Variants in WDR20 observed in about 807,000 individuals in gnomAD.
WDR20 encodes WD repeat domain 20, also known as WD repeat-containing protein 20.
A neutral mutation model predicts 38.7 loss-of-function variants in WDR20; 3 were observed. The observed-to-expected ratio is 0.08, with a 90% CI of 0.04 to 0.20. The LOEUF (loss-of-function observed/expected upper bound fraction) is 0.20. WDR20 is among the 10% of genes least tolerant of loss of function. The probability of loss-of-function intolerance (pLI) is 1.00; values close to 1 mark genes in which losing one functional copy is unlikely to be tolerated. For missense variants in WDR20, 559 were observed against 727.7 expected, an observed-to-expected ratio of 0.77 and a Z score of 2.67; for synonymous variants, 298 against 285.6, an observed-to-expected ratio of 1.04 and a Z score of -0.44.
At position 102,208,614 on chromosome 14, in the gene WDR20, C is replaced by G. The variant is rs774290803; in HGVS notation, c.444C>G (p.Asp148Glu). Reference sequence around the variant, plus strand: ...CTTTGTCTTCACAGAGACTAATAGACAAGTCACGAGTTACCTGTGTCAAAT... The same window carrying G: ...CTTTGTCTTCACAGAGACTAATAGAGAAGTCACGAGTTACCTGTGTCAAAT... ...SKLFNEERLIDKSRVTCVKWV... is the reference protein window; with the variant it reads ...SKLFNEERLIEKSRVTCVKWV... The change falls in exon 3 of 3, where the codon GAC becomes GAG. Residue 148 changes from aspartate to glutamate, a missense_variant. Transcript: ENST00000342702. This position sits in a 1 kb window ranked among gnomAD's most constrained non-coding sequence, Gnocchi z 5.6. 1.9e-6 allele frequency: 3 copies of G among 1,606,250 alleles called. No homozygotes were observed. Among genetic ancestry groups the G allele is most frequent in the Non-Finnish European group, 2.6e-6 (3 of 1,173,884 alleles).
chr14:102,223,383 T>TA (rs917339942), exon 4 of WDR20: 5 of 152,678 alleles, frequency 3.3e-5, no homozygotes, highest in African/African-American at 1.2e-4. Context: ...TCACAGATTT[T>TA]AAAAAATTGT....
In WDR20 at chr14:102,156,268, C is replaced by T. The variant is rs375333025; in HGVS notation, c.249+16096C>T. On this transcript the variant is annotated intron_variant, in intron 1 of 2. Coordinates refer to ENST00000342702, the MANE Select transcript of WDR20 (RefSeq NM_144574.4). ...CTGCAAGCTCCACCTCCCGGGTTCA[C>T]GCCATTCTCCTGCCTCAGCCTCCCG... 2.6e-5 allele frequency among the ~76,000 whole-genome samples: 4 copies of T among 151,440 alleles called. No individual in the cohort carries two copies. In the East Asian group the frequency reaches 5.8e-4, roughly 22 times the overall value.
At chr14:102,212,717 A>C, downstream of WDR20, 1 of 1,477,562 alleles carries the variant, frequency 6.8e-7, no homozygotes, top group East Asian at 2.5e-5. Flanking sequence ...GTGGTTCCTG[A>C]TATCAGGTGT....
chr14:102,162,167 C>T (rs1476152059), intron 1 of WDR20, among the ~76,000 whole-genome samples: 1 of 152,104 alleles, frequency 6.6e-6, no homozygotes, highest in Non-Finnish European at 1.5e-5. Flanking sequence ...GTTTTGGGAC[C>T]CAGATGTAAT....
At position 102,222,644 on chromosome 14, in the gene WDR20, C is replaced by T. The variant is rs2064042916; in HGVS notation, c.1693-186C>T. Among the ~76,000 whole-genome samples, 1 of 152,216 alleles carries T rather than the reference C, an allele frequency of 6.6e-6. No individual in the cohort carries two copies. Among genetic ancestry groups the T allele is most frequent in the African/African-American group, 2.4e-5 (1 of 41,452 alleles). On this transcript the variant is annotated intron_variant, in intron 3 of 3. Coordinates refer to the WDR20 transcript ENST00000335263. The surrounding 1 kb of genome is among the most constrained non-coding windows in gnomAD (Gnocchi z 4.4). The stretch of plus-strand genomic sequence containing the variant: ...TATTGCACCCAGCAGGGTTCCAATT[C>T]TCTAGGAATGGAACGCAGTGATCTG...
At position 102,210,395 on chromosome 14, in the gene WDR20, T is replaced by C. The variant is rs2062315558; in HGVS notation, c.*515T>C. 2.0e-6 allele frequency: 2 copies of C among 985,524 alleles called. No homozygotes were observed. Among genetic ancestry groups the C allele is most frequent in the Middle Eastern group, 5.2e-4 (1 of 1,936 alleles). The allele number at this position is 985,524 out of a possible 1,614,324, so 61.0% of individuals were successfully genotyped here. A position where few individuals can be genotyped will look rare whatever the true frequency, so the allele number is the denominator to read the frequency against. On this transcript the variant is annotated 3_prime_UTR_variant, in exon 3 of 3. Transcript: ENST00000342702. ...AATTTAACTTTAGGAACAAAACGTTTAGCAGGGTTGATTGATATTATTTTT... is the reference window on the plus strand; with the variant it reads ...AATTTAACTTTAGGAACAAAACGTTCAGCAGGGTTGATTGATATTATTTTT...
chr14:102,192,836 C>A (rs555052136), intron 1 of WDR20, among the ~76,000 whole-genome samples: 3 of 151,906 alleles, frequency 2.0e-5, no homozygotes, highest in South Asian at 4.1e-4. Context: ...TGTCATTTGT[C>A]TTGCTATGTC....
intron 1 of WDR20, among the ~76,000 whole-genome samples, chr14:102,164,707 T>A (rs1165540531): frequency 2.6e-5 from 4 of 152,342 alleles, no homozygotes; most frequent in Middle Eastern, 3.4e-3. Context: ...AACTTTTTTT[T>A]ATACATTTTT....
intron 1 of WDR20, among the ~76,000 whole-genome samples, chr14:102,151,869 A>C (rs980188897): frequency 1.3e-5 from 2 of 151,438 alleles, no homozygotes; most frequent in Non-Finnish European, 2.9e-5. Context: ...CCTTCCAAGT[A>C]GCTGAGTCTA....
intron 1 of WDR20, among the ~76,000 whole-genome samples, chr14:102,159,465 A>G (rs867138907): frequency 1.3e-5 from 2 of 152,192 alleles, no homozygotes; most frequent in African/African-American, 4.8e-5. Context: ...ACAATCCTCA[A>G]GTGTTTCAGG....
chr14:102,166,602 A>G (rs1024318974), intron 1 of WDR20, among the ~76,000 whole-genome samples: 1 of 152,156 alleles, frequency 6.6e-6, no homozygotes, highest in Non-Finnish European at 1.5e-5. Context: ...GTTTTGCTTT[A>G]TATTAAATTC....
At chr14:102,200,232 A>G (rs1030255619) in intron 2 of WDR20, among the ~76,000 whole-genome samples, 4 of 152,190 alleles carry the variant, frequency 2.6e-5, no homozygotes, top group Non-Finnish European at 5.9e-5. Context: ...CCAATCTTCC[A>G]GAGTAGATTT....
chr14:102,163,977 T>A (rs538375699), intron 1 of WDR20, among the ~76,000 whole-genome samples: 1 of 152,200 alleles, frequency 6.6e-6, no homozygotes, highest in African/African-American at 2.4e-5. Flanking sequence ...TTAGCAAGAC[T>A]GAAGGCATTA....
Position 102,209,616 on chromosome 14 carries a change from T to C in WDR20, c.1446T>C (p.His482=). 1 of 1,614,180 alleles carries C rather than the reference T, an allele frequency of 6.2e-7. No homozygotes were observed. Among genetic ancestry groups the C allele is most frequent in the Non-Finnish European group, 8.5e-7 (1 of 1,180,044 alleles). The change falls in exon 3 of 3, where the codon CAT becomes CAC. Residue 482 remains histidine, a synonymous_variant. Coordinates refer to ENST00000342702, the MANE Select transcript of WDR20 (RefSeq NM_144574.4). The surrounding 1 kb of genome is among the most constrained non-coding windows in gnomAD (Gnocchi z 6.0). The part of the protein sequence containing the change: ...RHHEKDHKRN[H]SMGHISSKSS... ...ACGAGAAAGATCACAAGCGAAATCA[T>C]AGCATGGGACACATTTCTAGCAAGA...
intron 1 of WDR20, chr14:102,191,330 G>A (rs1252776831): frequency 2.6e-5 from 4 of 152,262 alleles, no homozygotes; most frequent in Non-Finnish European, 5.9e-5. Flanking sequence ...CCATGGGGAA[G>A]AGGAATAGCT....
At chr14:102,212,496 G>T, downstream of WDR20, 2 of 1,535,770 alleles carry the variant, frequency 1.3e-6, no homozygotes, top group South Asian at 2.4e-5. Context: ...CTGCCCCTCT[G>T]ACTGCTGCCC....
intron 1 of WDR20, among the ~76,000 whole-genome samples, chr14:102,168,119 C>T (rs1309850011): frequency 6.6e-6 from 1 of 152,178 alleles, no homozygotes; most frequent in African/African-American, 2.4e-5. Flanking sequence ...CCCCACTTCC[C>T]ATACATCTCC....
rs1174461809 is a variant in WDR20 at position 102,220,452 on chromosome 14, G to A, written c.1693-2378G>A. ...TAAAATATTAAAATTGGCCAGGTGC[G>A]GTGGCTCACGCCTGTAATCCCAGCA... On this transcript the variant is annotated intron_variant, in intron 3 of 3. Transcript: ENST00000335263. The surrounding 1 kb of genome is among the most constrained non-coding windows in gnomAD (Gnocchi z 4.2). Among the ~76,000 whole-genome samples, 1 of 152,106 alleles carries A rather than the reference G, an allele frequency of 6.6e-6. No homozygotes were observed. Among genetic ancestry groups the A allele is most frequent in the Admixed American group, 6.5e-5 (1 of 15,278 alleles).
Position 102,209,455 on chromosome 14 carries a change from C to T in WDR20, c.1285C>T (p.Leu429=). The stretch of plus-strand genomic sequence containing the variant: ...ACCCGGGAACTCTGTGCCGCCTCCT[C>T]TGCCACGGTCCAACAGCCTTCCACA... ...TTPGNSVPPP[L]PRSNSLPHSA... is the part of the protein sequence containing the mutation. The change falls in exon 3 of 3, where the codon CTG becomes TTG. Residue 429 remains leucine (L), a synonymous_variant. Transcript: ENST00000342702. This position sits in a 1 kb window ranked among gnomAD's most constrained non-coding sequence, Gnocchi z 6.0. 1 of 1,614,220 alleles carries T rather than the reference C, an allele frequency of 6.2e-7. No homozygotes were observed. Among genetic ancestry groups the T allele is most frequent in the Non-Finnish European group, 8.5e-7 (1 of 1,180,040 alleles).
Sources: allele counts gnomAD v4.1 joint callset (sites outside exome capture counted in the v4.1 genomes callset), GRCh38; gene constraint gnomAD v4.1.1; non-coding constraint Gnocchi (gnomAD v3.1); transcripts MANE v1.5; gene names NCBI Gene and HGNC (gene_info 2026-07-23, HGNC 2026-07-21).